NR1D1: variants seen among roughly 807,000 people sequenced by gnomAD.
The protein encoded by NR1D1 is nuclear receptor subfamily 1 group D member 1, also known as Rev-ErbAalpha.
In NR1D1, 17 loss-of-function variants were observed where a neutral mutation model predicts 51.1. That is an observed-to-expected ratio of 0.33 (90% CI 0.23 to 0.50). NR1D1 has a LOEUF of 0.50. Among genes scored for constraint, NR1D1 ranks in the 20% least tolerant of loss-of-function variants. The pLI is 0.98. For missense variants in NR1D1, 647 were observed against 830.4 expected (o/e 0.78, Z 2.71); for synonymous variants, 341 against 333.4 (o/e 1.02, Z -0.25).
At position 40,097,141 on chromosome 17, in the gene NR1D1, G is replaced by T; in HGVS notation, c.294C>A (p.Ser98Arg). Reference protein sequence around the residue: ...SSSSSSFYNGSPPGSLQVAME... With the variant: ...SSSSSSFYNGRPPGSLQVAME... ...TGGCCACTTGTAGACTCCCAGGGGG[G>T]CTCCCATTATAGAAGGAGGAGGAGG... is the stretch of plus-strand genomic sequence containing the variant. The change falls in exon 2 of 8, where the codon AGC becomes AGA. Residue 98 changes from serine to arginine, a missense_variant. Coordinates refer to ENST00000246672, the MANE Select transcript of NR1D1 (RefSeq NM_021724.5). 1.2e-6 allele frequency: 2 copies of T among 1,611,094 alleles called. No homozygotes were observed. The highest frequency in any genetic ancestry group is 1.7e-4 in the Middle Eastern group (1 of 6,050).
rs1987848191 is a variant in NR1D1, at chr17:40,100,079, A to C, written c.16T>G (p.Ser6Ala). 3 of 1,610,742 alleles carry C rather than the reference A, an allele frequency of 1.9e-6. No homozygotes were observed. Among genetic ancestry groups the C allele is most frequent in the Non-Finnish European group, 2.5e-6 (3 of 1,176,938 alleles). MTTLD[S>A]NNNTGGVITY... ...ATCTCAGTACCTGTGTTGTTGTTGGAGTCCAGGGTCGTCATGTCTTCACCA... is the reference window on the plus strand; with the variant it reads ...ATCTCAGTACCTGTGTTGTTGTTGGCGTCCAGGGTCGTCATGTCTTCACCA... The change falls in exon 1 of 8, where the codon TCC becomes GCC. Residue 6 changes from serine (S) to alanine (A), a missense_variant. Around this residue, in one of 7 missense-constraint regions of NR1D1, gnomAD observed 40 missense variants for 69.0 expected, o/e 0.58. Coordinates refer to ENST00000246672, the MANE Select transcript of NR1D1 (RefSeq NM_021724.5).
At chr17:40,099,663 G>A (rs1156839343) in intron 1 of NR1D1, among the ~76,000 whole-genome samples, 1 of 152,132 alleles carries the variant, frequency 6.6e-6, no homozygotes, top group Non-Finnish European at 1.5e-5. Context: ...ACTAGAGGAG[G>A]GGGAAGACAA....
At chr17:40,097,817 C>G (rs1467698044) in intron 1 of NR1D1, among the ~76,000 whole-genome samples, 1 of 152,184 alleles carries the variant, frequency 6.6e-6, no homozygotes, top group Admixed American at 6.5e-5. Flanking sequence ...GATTTTAACA[C>G]TAAGACCATT....
chr17:40,093,104 G>A lies in NR1D1; in HGVS notation c.1824C>T (p.Ser608=), dbSNP rs1410600730. The A allele has an allele frequency of 1.2e-6, 2 of 1,614,154 alleles. No homozygotes were observed. The highest frequency in any genetic ancestry group is 2.2e-5 in the East Asian group (1 of 44,890). ...CGGGTCACTGGGCGTCCACCCGGAA[G>A]GACAGCAGCTTCTCGGAATGCATGT... ...LNNMHSEKLL[S]FRVDAQ is the part of the protein sequence containing the mutation. Residue 608 remains serine, a synonymous_variant, in exon 8 of 8, where the codon TCC becomes TCT. Coordinates refer to ENST00000246672, the MANE Select transcript of NR1D1 (RefSeq NM_021724.5). The surrounding 1 kb of genome is among the most constrained non-coding windows in gnomAD (Gnocchi z 5.9).
chr17:40,099,446 G>A (rs1987832498), intron 1 of NR1D1, among the ~76,000 whole-genome samples: 1 of 152,160 alleles, frequency 6.6e-6, no homozygotes, highest in Non-Finnish European at 1.5e-5. Context: ...CAGCACGTGG[G>A]CCCGGCTCTA....
chr17:40,096,877 T>C, intron 2 of NR1D1, 98 bp from the exon 3 acceptor site: 1 of 1,347,278 alleles, frequency 7.4e-7, no homozygotes, highest in Non-Finnish European at 1.1e-6. Context: ...AGGGAAAAGC[T>C]AAGGAGGAAC....
Position 40,096,430 on chromosome 17 carries a change from G to A in NR1D1, c.604+13C>T. The stretch of plus-strand genomic sequence containing the variant: ...GCGGAAGAAGGGGGGAGGATGTGGG[G>A]ATGCTGCCTCACCGTCTCGAGACAT... On this transcript the variant is annotated intron_variant, in intron 4 of 7. Transcript: ENST00000246672. 1 of 1,614,154 alleles carries A rather than the reference G, an allele frequency of 6.2e-7. No individual in the cohort carries two copies.
rs202137818 is a variant in NR1D1, at chr17:40,094,141, A to G, written c.1435-19T>C. The stretch of plus-strand genomic sequence containing the variant: ...TCAGCACCTAGGAGGGAAGGGGAAC[A>G]GTCATCCTGGGTGTGGTGGGAGGAG... On this transcript the variant is annotated intron_variant, in intron 6 of 7. Transcript: ENST00000246672. 2 of 1,611,086 alleles carry G rather than the reference A, an allele frequency of 1.2e-6. No individual in the cohort carries two copies. The highest frequency in any genetic ancestry group is 1.7e-6 in the Non-Finnish European group (2 of 1,177,720).
Position 40,093,565 on chromosome 17 carries a change from TTGC to T in NR1D1, c.1646-286_1646-284del. On this transcript the variant is annotated intron_variant, in intron 7 of 7. Transcript: ENST00000246672. This position sits in a 1 kb window ranked among gnomAD's most constrained non-coding sequence, Gnocchi z 5.9. ...AAACATGGCCAGACTCCCTTGCTTT[TTGC>T]TGTGTAGTTCCCTCTGCCTGGGATG... The T allele has an allele frequency of 1.0e-6, 1 of 1,000,356 alleles. No homozygotes were observed. Among genetic ancestry groups the T allele is most frequent in the Non-Finnish European group, 1.4e-6 (1 of 700,922 alleles). 62.0% of individuals were successfully genotyped at this position (1,000,356 alleles called of 1,614,324 possible). A position where few individuals can be genotyped will look rare whatever the true frequency, so the allele number is the denominator to read the frequency against.
At chr17:40,095,171 A>G in intron 5 of NR1D1, 51 bp from the exon 6 acceptor site, 1 of 1,561,200 alleles carries the variant, frequency 6.4e-7, no homozygotes, top group Non-Finnish European at 8.7e-7. Context: ...GCTGGGTCAG[A>G]TGGACGCCCC....
chr17:40,095,398 GC>G (rs772648467), intron 5 of NR1D1, 45 bp downstream of exon 5: 10 of 1,508,636 alleles, frequency 6.6e-6, no homozygotes, highest in South Asian at 2.7e-5. Context: ...ATTCTGCCAG[GC>G]CCCCCCAATC....
intron 1 of NR1D1, among the ~76,000 whole-genome samples, chr17:40,099,673 A>T (rs1987837279): frequency 6.6e-6 from 1 of 152,026 alleles, no homozygotes; most frequent in Non-Finnish European, 1.5e-5. Context: ...GGGGAAGACA[A>T]GAGGGGAGGG....
intron 1 of NR1D1, among the ~76,000 whole-genome samples, chr17:40,097,921 T>C (rs546600960): frequency 9.2e-5 from 14 of 152,270 alleles, no homozygotes; most frequent in African/African-American, 2.9e-4. Context: ...TTCCCCCCAG[T>C]TGGGGACATA....
chr17:40,097,791 C>G (rs761506484), intron 1 of NR1D1, among the ~76,000 whole-genome samples: 12 of 152,140 alleles, frequency 7.9e-5, no homozygotes, highest in Non-Finnish European at 1.6e-4. Flanking sequence ...CCTCCAAAAA[C>G]AAAAACCCAG....
chr17:40,099,047 C>T (rs552831675), intron 1 of NR1D1, among the ~76,000 whole-genome samples: 2 of 145,226 alleles, frequency 1.4e-5, no homozygotes, highest in South Asian at 4.3e-4. Context: ...GAAAAGGAGG[C>T]AGGCGGGGGC....
At position 40,094,915 on chromosome 17, in the gene NR1D1, A is replaced by C; in HGVS notation, c.1434+20T>G. 6.2e-7 allele frequency: 1 copy of C among 1,608,964 alleles called. No individual in the cohort carries two copies. Among genetic ancestry groups the C allele is most frequent in the Non-Finnish European group, 8.5e-7 (1 of 1,176,864 alleles). On this transcript the variant is annotated intron_variant, in intron 6 of 7. Coordinates refer to ENST00000246672, the MANE Select transcript of NR1D1 (RefSeq NM_021724.5). ...CTGTCTCAAAAAAAACAAAAACCAG[A>C]AGCATAAACGGTCACTCACCTCAAA...
In NR1D1 at chr17:40,097,446, C is replaced by T. The variant is rs758992195; in HGVS notation, c.32-43G>A. 7.3e-6 allele frequency: 11 copies of T among 1,510,190 alleles called. No individual in the cohort carries two copies. The African/African-American group carries it at 1.1e-4, about 15-fold the overall frequency. The allele number at this position is 1,510,190 out of a possible 1,614,324, so 93.5% of individuals were successfully genotyped here. Reference sequence around the variant, plus strand: ...GGAAAGGGGGTGTCAGCCGCCATGTCTCCGGACCTAGGGTGCCACTGTGCT... The same window carrying T: ...GGAAAGGGGGTGTCAGCCGCCATGTTTCCGGACCTAGGGTGCCACTGTGCT... On this transcript the variant is annotated intron_variant, in intron 1 of 7. Coordinates refer to ENST00000246672, the MANE Select transcript of NR1D1 (RefSeq NM_021724.5).
In NR1D1 at chr17:40,095,181, C is replaced by T. The variant is rs532609387; in HGVS notation, c.1249-61G>A. 79 of 1,520,806 alleles carry T rather than the reference C, an allele frequency of 5.2e-5. No individual in the cohort carries two copies. The South Asian group carries it at 9.1e-4, about 17-fold the overall frequency. The allele number at this position is 1,520,806 out of a possible 1,614,324, so 94.2% of individuals were successfully genotyped here. The stretch of plus-strand genomic sequence containing the variant: ...GCCAGGCTGGGTCAGATGGACGCCC[C>T]GAGCAGAGCTGGACCCCAGATTCTG... On this transcript the variant is annotated intron_variant, in intron 5 of 7. Transcript: ENST00000246672.
Position 40,095,613 on chromosome 17 carries a change from T to C in NR1D1, c.1079A>G (p.Gln360Arg), listed in dbSNP as rs533804111. Residue 360 changes from glutamine (Q) to arginine (R), a missense_variant, in exon 5 of 8, where the codon CAG becomes CGG. By Grantham distance (43) the Gln-to-Arg change is conservative. Transcript: ENST00000246672. ...GGTGGGAGGGTAGGAGGAGGGAGCC[T>C]GGCGCAGACCATTTAGGGCCTCGTT... Reference protein sequence around the residue: ...RHNEALNGLRQAPSSYPPTWP... With the variant: ...RHNEALNGLRRAPSSYPPTWP... 2 of 1,611,848 alleles carry C rather than the reference T, an allele frequency of 1.2e-6. No individual in the cohort carries two copies. Among genetic ancestry groups the C allele is most frequent in the African/African-American group, 1.3e-5 (1 of 74,986 alleles).
Sources: gnomAD v4.1 joint callset for allele counts (sites outside exome capture counted in the v4.1 genomes callset) on GRCh38, gnomAD v4.1.1 for gene constraint, gnomAD v4.1.1 regional missense constraint, Gnocchi (gnomAD v3.1) non-coding constraint, MANE v1.5 for transcripts, NCBI Gene and HGNC (gene_info 2026-07-23, HGNC 2026-07-21) for gene names.